ASPM: variants seen among roughly 807,000 people sequenced by gnomAD.
ASPM encodes the protein abnormal spindle-like microcephaly-associated protein.
A neutral mutation model predicts 366.4 loss-of-function variants in ASPM; 256 were observed. The ratio of observed to expected loss-of-function variants is 0.70; its 90% CI spans 0.63 to 0.77. The LOEUF (loss-of-function observed/expected upper bound fraction) is 0.77, where lower values mean the gene tolerates loss of function less well. ASPM is among the 30% of genes least tolerant of loss of function. ASPM has a pLI of 0.00. For missense variants in ASPM, 4,146 were observed against 4,090.4 expected, an observed-to-expected ratio of 1.01 and a Z score of -0.37; for synonymous variants, 1,414 against 1,342.9, an observed-to-expected ratio of 1.05 and a Z score of -1.16.
rs1657331592 is a variant in ASPM, at chr1:197,104,398, G to A, written c.4853C>T (p.Ala1618Val). 6.2e-7 allele frequency: 1 copy of A among 1,612,898 alleles called. No individual in the cohort carries two copies. Among genetic ancestry groups the A allele is most frequent in the South Asian group, 1.1e-5 (1 of 91,060 alleles). Residue 1618 changes from alanine to valine, a missense_variant, in exon 18 of 28, where the codon GCT becomes GTT. Physicochemically the swap from Ala to Val is moderately conservative, Grantham distance 64. Around this residue, in one of 3 missense-constraint regions of ASPM, gnomAD observed 3,624 missense variants for 3,591.7 expected, o/e 1.01. Coordinates refer to ENST00000367409, the MANE Select transcript of ASPM (RefSeq NM_018136.5). ...AAVIIQTHFRAYIFAMKVLAS... is the reference protein window; with the variant it reads ...AAVIIQTHFRVYIFAMKVLAS... ...TAGAACTTTCATGGCAAAAATATAAGCTCGGAAATGAGTCTGAATTATAAC... is the reference window on the plus strand; with the variant it reads ...TAGAACTTTCATGGCAAAAATATAAACTCGGAAATGAGTCTGAATTATAAC...
intron 17 of ASPM, among the ~76,000 whole-genome samples, chr1:197,109,031 T>C (rs1279356449): frequency 6.7e-6 from 1 of 149,680 alleles, no homozygotes; most frequent in South Asian, 2.1e-4. Context: ...AATATGCTAA[T>C]TGTCCTAATG....
chr1:197,114,630 G>A (rs1299927028), intron 17 of ASPM, among the ~76,000 whole-genome samples: 1 of 152,216 alleles, frequency 6.6e-6, no homozygotes. Context: ...CTGGAGTGCA[G>A]TGGTGCAATA....
chr1:197,145,118 G>GT (rs1658726269), intron 1 of ASPM, among the ~76,000 whole-genome samples: 1 of 152,094 alleles, frequency 6.6e-6, no homozygotes, highest in Non-Finnish European at 1.5e-5. Flanking sequence ...TGACACACAA[G>GT]TTAAGGGACC....
At chr1:197,114,752 AT>A (rs948305011) in intron 17 of ASPM, among the ~76,000 whole-genome samples, 1 of 150,984 alleles carries the variant, frequency 6.6e-6, no homozygotes, top group Non-Finnish European at 1.5e-5. Context: ...TATTTTATTT[AT>A]TTTTTTTATT....
intron 19 of ASPM, 100 bp from the exon 20 acceptor site, chr1:197,094,280 A>G: frequency 1.4e-6 from 1 of 725,930 alleles, no homozygotes; most frequent in East Asian, 2.8e-5. Flanking sequence ...AGAATAAAAT[A>G]TAAGAAAGGC....
intron 8 of ASPM, 38 bp downstream of exon 8, chr1:197,129,877 T>C: frequency 6.3e-7 from 1 of 1,594,350 alleles, no homozygotes; most frequent in African/African-American, 1.3e-5. Context: ...CATTCATGTA[T>C]AATGTGGAGA....
At position 197,103,584 on chromosome 1, in the gene ASPM, C is replaced by T. The variant is rs1197096960; in HGVS notation, c.5667G>A (p.Lys1889=). The T allele has an allele frequency of 1.2e-6, 2 of 1,612,848 alleles. No individual in the cohort carries two copies. Among genetic ancestry groups the T allele is most frequent in the Non-Finnish European group, 1.7e-6 (2 of 1,179,434 alleles). The change falls in exon 18 of 28, where the codon AAG becomes AAA. Residue 1889 remains lysine, a synonymous_variant. Transcript: ENST00000367409. ...ISLQSAYRGW[K]VRKQIRREHQ... ...GTTCCCTTCTAATCTGTTTCCGAACCTTCCAGCCACGATAAGCAGACTGGA... is the reference window on the plus strand; with the variant it reads ...GTTCCCTTCTAATCTGTTTCCGAACTTTCCAGCCACGATAAGCAGACTGGA...
rs1476977083 is a variant in ASPM at position 197,093,135 on chromosome 1, G to C, written c.9211C>G (p.His3071Asp). ...KYIRAREAGK[H>D]ERIKYIEFKK... ...AATTCAATATATTTTATCCTTTCATGCTTTCCAGCCTCCCTGGCTCGTATA... is the reference window on the plus strand; with the variant it reads ...AATTCAATATATTTTATCCTTTCATCCTTTCCAGCCTCCCTGGCTCGTATA... Residue 3071 changes from histidine to aspartate, a missense_variant, in exon 21 of 28, where the codon CAT (histidine) becomes GAT (aspartate). His to Asp is a moderately conservative substitution (Grantham distance 81). This residue lies in a region of ASPM where 3,624 missense variants were observed against 3,591.7 expected (regional missense o/e 1.01). Transcript: ENST00000367409. 5.0e-6 allele frequency: 8 copies of C among 1,612,204 alleles called. No individual in the cohort carries two copies. Among genetic ancestry groups the C allele is most frequent in the Non-Finnish European group, 5.9e-6 (7 of 1,178,862 alleles).
intron 24 of ASPM, 31 bp downstream of exon 24, chr1:197,090,165 T>A: frequency 2.5e-6 from 4 of 1,612,420 alleles, no homozygotes; most frequent in East Asian, 2.2e-5. Context: ...TAGTATTACA[T>A]CATTCTTTAA....
chr1:197,126,099 C>T (rs1658081915), intron 10 of ASPM, among the ~76,000 whole-genome samples: 1 of 152,086 alleles, frequency 6.6e-6, no homozygotes, highest in Admixed American at 6.5e-5. Flanking sequence ...TAAATAACAT[C>T]AACATCCAAC....
chr1:197,090,084 T>C lies in ASPM; in HGVS notation c.9830A>G (p.Glu3277Gly). The stretch of plus-strand genomic sequence containing the variant: ...AAGTGGAGACAATCTAGTAACTACC[T>C]CTGAAAGAAAAAAAAAACACACACA... ...SAILEALKHL[E>G]VVTRLSPLCC... is the part of the protein sequence containing the mutation. Residue 3277 changes from glutamate to glycine, a missense_variant and splice_region_variant, in exon 25 of 28, where the codon GAG becomes GGG. By Grantham distance (98) the Glu-to-Gly change is moderately conservative (BLOSUM62 -2). Coordinates refer to ENST00000367409, the MANE Select transcript of ASPM (RefSeq NM_018136.5). 1.2e-6 allele frequency: 2 copies of C among 1,612,498 alleles called. No homozygotes were observed. Among genetic ancestry groups the C allele is most frequent in the East Asian group, 2.2e-5 (1 of 44,758 alleles).
intron 26 of ASPM, among the ~76,000 whole-genome samples, chr1:197,087,223 C>T (rs1003282065): frequency 1.3e-5 from 2 of 151,940 alleles, no homozygotes; most frequent in Non-Finnish European, 2.9e-5. Flanking sequence ...TACAGGCACC[C>T]GCCACCACAC....
rs773695540 is a variant in ASPM, at chr1:197,143,311, T to C, written c.941A>G (p.His314Arg). The C allele has an allele frequency of 6.2e-7, 1 of 1,613,862 alleles. No individual in the cohort carries two copies. Among genetic ancestry groups the C allele is most frequent in the East Asian group, 2.2e-5 (1 of 44,856 alleles). The change falls in exon 3 of 28, where the codon CAT becomes CGT. Residue 314 changes from histidine to arginine, a missense_variant. Around this residue, in one of 3 missense-constraint regions of ASPM, gnomAD observed 512 missense variants for 471.7 expected, o/e 1.09. Coordinates refer to ENST00000367409, the MANE Select transcript of ASPM (RefSeq NM_018136.5). ...STLNITQSQI[H>R]FLSPDSFVNN... ...TACAAAAGAATCTGGACTTAGAAAA[T>C]GTATTTGGCTTTGTGTAATGTTCAA...
At chr1:197,086,777 T>C in intron 27 of ASPM, 26 bp downstream of exon 27, 2 of 1,563,364 alleles carry the variant, frequency 1.3e-6, no homozygotes, top group Non-Finnish European at 1.8e-6. Flanking sequence ...GTGACACAAA[T>C]TTATGGACTA....
Position 197,139,267 on chromosome 1 carries a change from C to A in ASPM, c.2026+500G>T, listed in dbSNP as rs6688214. 7.8e-4 allele frequency: 732 copies of A among 933,566 alleles called. 1 individual carries two copies. The African/African-American group carries it at 0.011, about 14-fold the overall frequency. 57.8% of individuals were successfully genotyped at this position (933,566 alleles called of 1,614,324 possible). On this transcript the variant is annotated intron_variant, in intron 4 of 27. Transcript: ENST00000367409. ...CTGACCATCCTTTTACCAACTTTCA[C>A]TTCATCCATACTCCCTACCACAGCA...
chr1:197,092,491 G>A (rs778137737), intron 21 of ASPM, among the ~76,000 whole-genome samples: 7 of 151,948 alleles, frequency 4.6e-5, no homozygotes, highest in Non-Finnish European at 8.8e-5. Flanking sequence ...TGCAGAAGGA[G>A]CTTTCTACAG....
chr1:197,101,213 T>A lies in ASPM; in HGVS notation c.8038A>T (p.Lys2680Ter). Residue 2680 changes from lysine (K) to a stop codon, truncating the protein, a stop_gained, in exon 18 of 28, where the codon AAA (lysine) becomes TAA (stop). Transcript: ENST00000367409. LOFTEE classifies it high-confidence loss of function. Reference sequence around the variant, plus strand: ...ATATTTTGAATATCCTTTCGTACTTTAAAGCCTCTGTAATAAGACTGTATA... The same window carrying A: ...ATATTTTGAATATCCTTTCGTACTTAAAAGCCTCTGTAATAAGACTGTATA... ...ICIQSYYRGFKVRKDIQNMHR... is the reference protein window; with the variant it reads ...ICIQSYYRGF 1 of 1,612,354 alleles carries A rather than the reference T, an allele frequency of 6.2e-7. No individual in the cohort carries two copies.
chr1:197,112,645 T>A (rs1475136679), intron 17 of ASPM, among the ~76,000 whole-genome samples: 2 of 152,072 alleles, frequency 1.3e-5, no homozygotes, highest in Non-Finnish European at 2.9e-5. Context: ...AATCAGAAAT[T>A]TGAAAGAATG....
chr1:197,135,690 A>C (rs1658401172), intron 4 of ASPM, among the ~76,000 whole-genome samples: 1 of 146,496 alleles, frequency 6.8e-6, no homozygotes, highest in Admixed American at 7.0e-5. Flanking sequence ...GTCTTTACCA[A>C]GTAATGAGAT....
Sources: gnomAD v4.1 joint callset for allele counts (sites outside exome capture counted in the v4.1 genomes callset) on GRCh38, gnomAD v4.1.1 for gene constraint, gnomAD v4.1.1 regional missense constraint, MANE v1.5 for transcripts, NCBI Gene and HGNC (gene_info 2026-07-23, HGNC 2026-07-21) for gene names.